The following CEP162 variants were observed in gnomAD, a reference collection of about 807,000 sequenced individuals.
The protein encoded by CEP162 is centrosomal protein of 162 kDa.
CEP162 carries 141 observed loss-of-function variants against 169.2 expected under a neutral mutation model. The ratio of observed to expected loss-of-function variants is 0.83; its 90% CI spans 0.73 to 0.96. CEP162 has a LOEUF of 0.96. CEP162 is among the 40% of genes least tolerant of loss of function. CEP162 has a pLI of 0.00. For missense variants in CEP162, 1,600 were observed against 1,587.2 expected (o/e 1.01, Z -0.14); for synonymous variants, 540 against 526.4 (o/e 1.03, Z -0.35).
chr6:84,215,447 A>C lies in CEP162; in HGVS notation c.338T>G (p.Leu113Arg), dbSNP rs757221133. ...LETNELVVSE[L>R]NHSSLGVGLD... ...TCCCACTCCGAGACTACTATGGTTG[A>C]GCTCAGAAACTACTAGTTCTAAATG... The change falls in exon 5 of 27, where the codon CTC becomes CGC. Residue 113 changes from leucine (L) to arginine (R), a missense_variant. By Grantham distance (102) the Leu-to-Arg change is moderately radical. Coordinates refer to ENST00000403245, the MANE Select transcript of CEP162 (RefSeq NM_014895.4). 5 of 1,591,062 alleles carry C rather than the reference A, an allele frequency of 3.1e-6. No homozygotes were observed. The highest frequency in any genetic ancestry group is 1.8e-5 in the Admixed American group (1 of 55,686).
chr6:84,167,620 G>A (rs1186554007), intron 18 of CEP162, among the ~76,000 whole-genome samples: 1 of 152,052 alleles, frequency 6.6e-6, no homozygotes, highest in African/African-American at 2.4e-5. Flanking sequence ...GAATTGTTTT[G>A]CATTTGTTTC....
chr6:84,144,410 AT>A (rs1429644207), intron 25 of CEP162, among the ~76,000 whole-genome samples: 1 of 152,100 alleles, frequency 6.6e-6, no homozygotes, highest in Non-Finnish European at 1.5e-5. Flanking sequence ...AAATAACCAA[AT>A]TTCCATATCA....
chr6:84,211,416 A>C (rs2099549386), intron 6 of CEP162, among the ~76,000 whole-genome samples: 1 of 150,738 alleles, frequency 6.6e-6, no homozygotes, highest in Non-Finnish European at 1.5e-5. Context: ...TATCCCAGCT[A>C]CTCAGGAGGC....
chr6:84,135,866 AAAC>A (rs1402460617), intron 25 of CEP162, among the ~76,000 whole-genome samples: 1 of 152,198 alleles, frequency 6.6e-6, no homozygotes, highest in Admixed American at 6.5e-5. Flanking sequence ...TGTCTCAAAA[AAAC>A]AACAAAAAAA....
intron 9 of CEP162, 151 bp downstream of exon 9, chr6:84,200,638 T>C: frequency 4.8e-6 from 2 of 418,044 alleles, no homozygotes; most frequent in Admixed American, 7.2e-5. Flanking sequence ...AAGTTCCAAT[T>C]ATTTAAATTA....
At chr6:84,185,868 C>T (rs1454256631) in intron 12 of CEP162, among the ~76,000 whole-genome samples, 2 of 151,926 alleles carry the variant, frequency 1.3e-5, no homozygotes, top group Non-Finnish European at 1.5e-5. Flanking sequence ...TTATAAAATA[C>T]AAGTAGAATG....
chr6:84,175,312 C>G lies in CEP162; in HGVS notation c.1699G>C (p.Ala567Pro). 1 of 1,546,384 alleles carries G rather than the reference C, an allele frequency of 6.5e-7. No individual in the cohort carries two copies. The highest frequency in any genetic ancestry group is 8.7e-7 in the Non-Finnish European group (1 of 1,144,468). The change falls in exon 14 of 27, where the codon GCT (alanine) becomes CCT (proline). Residue 567 changes from alanine to proline, a missense_variant. Coordinates refer to ENST00000403245, the MANE Select transcript of CEP162 (RefSeq NM_014895.4). ...LSGTKLIKPA[A>P]LDKPAHKTES... ...GTTTTGTGAGCTGGTTTATCCAAAG[C>G]TGCAGGCTTGATGAGTTTTGTTCCA... is the stretch of plus-strand genomic sequence containing the variant.
rs926040127 is a variant in CEP162, at chr6:84,185,539, A to G, written c.1402-91T>C. 2.7e-6 allele frequency: 3 copies of G among 1,121,412 alleles called. No individual in the cohort carries two copies. The African/African-American group carries it at 4.7e-5, about 18-fold the overall frequency. 69.5% of individuals were successfully genotyped at this position (1,121,412 alleles called of 1,614,324 possible). Reference sequence around the variant, plus strand: ...TTTAATAGATGGCAAAACAATAGTGATTATCAAATAATGTAGTTTGTAAAA... The same window carrying G: ...TTTAATAGATGGCAAAACAATAGTGGTTATCAAATAATGTAGTTTGTAAAA... On this transcript the variant is annotated intron_variant, in intron 12 of 26. Coordinates refer to ENST00000403245, the MANE Select transcript of CEP162 (RefSeq NM_014895.4).
chr6:84,196,449 T>C (rs1156483080), intron 9 of CEP162, among the ~76,000 whole-genome samples: 2 of 152,268 alleles, frequency 1.3e-5, no homozygotes, highest in East Asian at 3.9e-4. Flanking sequence ...TGGACTAATA[T>C]ACCTTCTCTT....
chr6:84,143,062 G>A (rs1295359515), intron 25 of CEP162, among the ~76,000 whole-genome samples: 1 of 151,924 alleles, frequency 6.6e-6, no homozygotes, highest in Non-Finnish European at 1.5e-5. Context: ...AAAAAAATTA[G>A]TTACCCAAAT....
chr6:84,204,619 A>C (rs557724797), intron 6 of CEP162, among the ~76,000 whole-genome samples: 1 of 152,158 alleles, frequency 6.6e-6, no homozygotes, highest in Non-Finnish European at 1.5e-5. Flanking sequence ...GCCCACAAGA[A>C]AAAGCAGGAA....
intron 6 of CEP162, 25 bp downstream of exon 6, chr6:84,212,932 T>C: frequency 7.3e-7 from 1 of 1,375,252 alleles, no homozygotes; most frequent in Non-Finnish European, 1.0e-6. Context: ...TCAAATATTA[T>C]AAATTTAAGA....
intron 22 of CEP162, among the ~76,000 whole-genome samples, chr6:84,153,882 G>A (rs999733990): frequency 2.6e-5 from 4 of 152,110 alleles, no homozygotes; most frequent in African/African-American, 9.7e-5. Flanking sequence ...AAAATAATGG[G>A]CCTGTGAACA....
At chr6:84,173,987 C>T in intron 16 of CEP162, 61 bp downstream of exon 16, 1 of 1,457,504 alleles carries the variant, frequency 6.9e-7, no homozygotes, top group South Asian at 1.2e-5. Context: ...GCCTGGCCTG[C>T]CTTATTTTTA....
rs1209859589 is a variant in CEP162, at chr6:84,204,067, A to G, written c.601T>C (p.Tyr201His). 104 of 1,602,476 alleles carry G rather than the reference A, an allele frequency of 6.5e-5. No individual in the cohort carries two copies. Among genetic ancestry groups the G allele is most frequent in the Non-Finnish European group, 8.7e-5 (102 of 1,174,228 alleles). ...ENYSDDFEDEYVGAPLTTKDE... is the reference protein window; with the variant it reads ...ENYSDDFEDEHVGAPLTTKDE... ...TTAGTAGTCAACGGTGCACCAACATACTCATCTTCAAAATCATCACTGTAA... is the reference window on the plus strand; with the variant it reads ...TTAGTAGTCAACGGTGCACCAACATGCTCATCTTCAAAATCATCACTGTAA... Residue 201 changes from tyrosine (Y) to histidine (H), a missense_variant, in exon 7 of 27, where the codon TAT (tyrosine) becomes CAT (histidine). Coordinates refer to ENST00000403245, the MANE Select transcript of CEP162 (RefSeq NM_014895.4).
intron 25 of CEP162, among the ~76,000 whole-genome samples, chr6:84,133,724 T>C (rs1234855231): frequency 1.3e-5 from 2 of 152,146 alleles, no homozygotes; most frequent in African/African-American, 2.4e-5. Context: ...AAGCACAGTA[T>C]TAGGGTGGGA....
Position 84,174,133 on chromosome 6 carries a change from G to C in CEP162, c.2081C>G (p.Ala694Gly), listed in dbSNP as rs755079682. 1.8e-5 allele frequency: 29 copies of C among 1,610,178 alleles called. No homozygotes were observed. Among genetic ancestry groups the C allele is most frequent in the Non-Finnish European group, 2.4e-5 (28 of 1,177,628 alleles). Residue 694 changes from alanine to glycine, a missense_variant, in exon 16 of 27, where the codon GCA becomes GGA. By Grantham distance (60) the Ala-to-Gly change is moderately conservative (BLOSUM62 0). Coordinates refer to ENST00000403245, the MANE Select transcript of CEP162 (RefSeq NM_014895.4). ...KKQRWLHFGE[A>G]ADPVTGEKLK... ...CTTTTCTCCAGTGACAGGATCAGCT[G>C]CTTCTCCAAAATGTAACCACCTTTG...
At chr6:84,213,759 A>C (rs1329273106) in intron 5 of CEP162, among the ~76,000 whole-genome samples, 18 of 152,176 alleles carry the variant, frequency 1.2e-4, no homozygotes, top group Non-Finnish European at 4.4e-5. Context: ...AATAAGAAAA[A>C]AGTTAAAAAA....
chr6:84,219,246 A>G (rs1311715660), intron 3 of CEP162: 1 of 939,810 alleles, frequency 1.1e-6, no homozygotes, highest in South Asian at 1.4e-5. Context: ...AAACTCAGTA[A>G]CCGTTTGCTT....
Sources: allele counts gnomAD v4.1 joint callset (sites outside exome capture counted in the v4.1 genomes callset), GRCh38; gene constraint gnomAD v4.1.1; transcripts MANE v1.5; gene names NCBI Gene and HGNC (gene_info 2026-07-23, HGNC 2026-07-21).